Variants in THSD4 observed in about 807,000 individuals in gnomAD.
THSD4 encodes the protein thrombospondin type 1 domain containing 4, also known as thrombospondin type-1 domain-containing protein 4.
THSD4 carries 69 observed loss-of-function variants against 119.0 expected under a neutral mutation model. The ratio of observed to expected loss-of-function variants is 0.58; its 90% confidence interval spans 0.48 to 0.71. THSD4 has a LOEUF of 0.71. THSD4 is among the 30% of genes least tolerant of loss of function. THSD4 has a pLI of 0.00. For synonymous variants in THSD4, 524 were observed against 540.4 expected, an observed-to-expected ratio of 0.97 and a Z score of 0.42; for missense variants, 1,393 against 1,391.1, an observed-to-expected ratio of 1.00 and a Z score of -0.02.
chr15:71,289,173 C>T (rs2044758710), intron 6 of THSD4, among the ~76,000 whole-genome samples: 1 of 152,150 alleles, frequency 6.6e-6, no homozygotes, highest in African/African-American at 2.4e-5. Context: ...AGCTCCTAGC[C>T]TCATGTCTGC....
At chr15:71,165,438 G>A (rs1047490586) in intron 3 of THSD4, 74 of 1,453,830 alleles carry the variant, frequency 5.1e-5, no homozygotes, top group Middle Eastern at 2.0e-4. Context: ...TTTCCTCAGC[G>A]AGGCACAGAG....
intron 7 of THSD4, among the ~76,000 whole-genome samples, chr15:71,516,918 G>A (rs1169485557): frequency 6.6e-6 from 1 of 152,116 alleles, no homozygotes; most frequent in African/African-American, 2.4e-5. Flanking sequence ...TTTCTTGGTT[G>A]AGTTAGCTGC....
At chr15:71,461,364 C>T (rs927398330) in intron 7 of THSD4, among the ~76,000 whole-genome samples, 2 of 152,146 alleles carry the variant, frequency 1.3e-5, no homozygotes, top group Non-Finnish European at 1.5e-5. Flanking sequence ...GACCTAGTCC[C>T]AGAAGTCATA....
chr15:71,709,181 A>G (rs989623933), intron 8 of THSD4, among the ~76,000 whole-genome samples: 2 of 152,210 alleles, frequency 1.3e-5, no homozygotes, highest in African/African-American at 4.8e-5. Flanking sequence ...GGGGAGGAGT[A>G]ATTAAAATAA....
chr15:71,258,391 C>T (rs1316662194), intron 6 of THSD4, among the ~76,000 whole-genome samples: 1 of 152,128 alleles, frequency 6.6e-6, no homozygotes, highest in Non-Finnish European at 1.5e-5. Context: ...GATGGCCAGG[C>T]TGACCTCGAA....
chr15:71,543,588 G>A (rs1436279562), intron 7 of THSD4, among the ~76,000 whole-genome samples: 2 of 152,208 alleles, frequency 1.3e-5, no homozygotes, highest in African/African-American at 4.8e-5. Context: ...GGAAACAGGA[G>A]GAAGAACAGG....
intron 7 of THSD4, among the ~76,000 whole-genome samples, chr15:71,453,352 T>G (rs2047292887): frequency 6.6e-6 from 1 of 152,218 alleles, no homozygotes; most frequent in Non-Finnish European, 1.5e-5. Flanking sequence ...TCTTACAAGT[T>G]CAAAGTGTTT....
intron 8 of THSD4, among the ~76,000 whole-genome samples, chr15:71,717,074 T>G (rs368683696): frequency 1.6e-4 from 25 of 152,346 alleles, no homozygotes; most frequent in African/African-American, 5.5e-4. Context: ...CATACATATG[T>G]GAGCCCTGAT....
chr15:71,233,153 G>A (rs1161905419), intron 4 of THSD4, among the ~76,000 whole-genome samples: 2 of 152,204 alleles, frequency 1.3e-5, no homozygotes, highest in Non-Finnish European at 2.9e-5. Flanking sequence ...TGATGAGACA[G>A]TTCAGAGGAA....
intron 6 of THSD4, among the ~76,000 whole-genome samples, chr15:71,326,262 G>T (rs2045336167): frequency 6.6e-6 from 1 of 152,104 alleles, no homozygotes; most frequent in Non-Finnish European, 1.5e-5. Flanking sequence ...GTTGTGAGGG[G>T]TCAATGAGTA....
intron 1 of THSD4, among the ~76,000 whole-genome samples, chr15:71,136,000 T>TG (rs987364418): frequency 7.1e-6 from 1 of 140,140 alleles, no homozygotes; most frequent in Non-Finnish European, 1.5e-5. Flanking sequence ...AGTTTTTTTT[T>TG]TTTTTTTTTT....
Position 71,780,703 on chromosome 15 carries a change from C to T in THSD4, c.*3329C>T. ...TAGAACATGACAAGAATTCTCCGCACTGTGCCTACCTGTCCCTTTACCTTA... is the reference window on the plus strand; with the variant it reads ...TAGAACATGACAAGAATTCTCCGCATTGTGCCTACCTGTCCCTTTACCTTA... On this transcript the variant is annotated 3_prime_UTR_variant, in exon 18 of 18. Coordinates refer to ENST00000261862, the MANE Select transcript of THSD4 (RefSeq NM_024817.3). The T allele has an allele frequency of 2.2e-6, 1 of 456,576 alleles. No individual in the cohort carries two copies. Among genetic ancestry groups the T allele is most frequent in the Non-Finnish European group, 4.4e-6 (1 of 226,928 alleles). 28.3% of individuals were successfully genotyped at this position (456,576 alleles called of 1,614,324 possible). A position where few individuals can be genotyped will look rare whatever the true frequency, so the allele number is the denominator to read the frequency against.
At chr15:71,172,363 G>A (rs943873384) in intron 3 of THSD4, among the ~76,000 whole-genome samples, 5 of 151,840 alleles carry the variant, frequency 3.3e-5, no homozygotes, top group Admixed American at 6.6e-5. Flanking sequence ...ATGGATAAAT[G>A]TATGATGTTT....
chr15:71,202,476 T>C (rs1421745223), intron 3 of THSD4, among the ~76,000 whole-genome samples: 1 of 152,128 alleles, frequency 6.6e-6, no homozygotes, highest in Non-Finnish European at 1.5e-5. Flanking sequence ...CACACACACG[T>C]ACACAGATGG....
intron 16 of THSD4, chr15:71,766,666 G>C (rs570495569): frequency 1.3e-5 from 2 of 152,228 alleles, no homozygotes; most frequent in South Asian, 4.2e-4. Flanking sequence ...TACAATAACA[G>C]ATCGCAGTTT....
chr15:71,614,344 C>T (rs2050286021), intron 7 of THSD4, among the ~76,000 whole-genome samples: 1 of 152,162 alleles, frequency 6.6e-6, no homozygotes, highest in Non-Finnish European at 1.5e-5. Flanking sequence ...GTCATTTTCG[C>T]CTGCTTTTTC....
intron 7 of THSD4, among the ~76,000 whole-genome samples, chr15:71,606,496 C>A (rs1157172982): frequency 8.2e-5 from 4 of 49,078 alleles, no homozygotes; most frequent in Admixed American, 6.7e-4. Context: ...AGGAATAAGA[C>A]CTCCCAGAAA....
At chr15:71,628,633 G>A (rs2050554083) in intron 7 of THSD4, among the ~76,000 whole-genome samples, 1 of 152,212 alleles carries the variant, frequency 6.6e-6, no homozygotes, top group Admixed American at 6.5e-5. Flanking sequence ...CAACTCCCAG[G>A]CAATGTTGAT....
chr15:71,679,943 C>G (rs2051740178), intron 8 of THSD4, among the ~76,000 whole-genome samples: 1 of 152,134 alleles, frequency 6.6e-6, no homozygotes, highest in East Asian at 1.9e-4. Flanking sequence ...TGTTAGAAAA[C>G]CAGAGTTTTT....
Sources: allele counts gnomAD v4.1 joint callset (sites outside exome capture counted in the v4.1 genomes callset), GRCh38; gene constraint gnomAD v4.1.1; transcripts MANE v1.5; gene names NCBI Gene and HGNC (gene_info 2026-07-23, HGNC 2026-07-21).